HK1: variants seen among roughly 807,000 people sequenced by gnomAD.
The protein encoded by HK1 is hexokinase-1.
In HK1, 28 loss-of-function variants were observed where a neutral mutation model predicts 91.6. That is an observed-to-expected ratio of 0.31 (90% CI 0.23 to 0.42). HK1 has a LOEUF of 0.42. Ranked by LOEUF, HK1 falls within the 10% of genes least tolerant of loss-of-function variation. The pLI, the probability that HK1 is intolerant of heterozygous loss-of-function variation, is 1.00. For missense variants in HK1, 770 were observed against 1,219.8 expected (o/e 0.63, Z 5.49); for synonymous variants, 430 against 468.1 (o/e 0.92, Z 1.05).
At chr10:69,315,211 C>A (rs530403795), upstream of HK1, among the ~76,000 whole-genome samples, 4 of 152,324 alleles carry the variant, frequency 2.6e-5, no homozygotes, top group South Asian at 8.3e-4. Flanking sequence ...AAACTGTCAA[C>A]GTTATGTAAA....
chr10:69,320,182 T>C (rs2132570136), intron 1 of HK1, among the ~76,000 whole-genome samples: 1 of 152,206 alleles, frequency 6.6e-6, no homozygotes, highest in South Asian at 2.1e-4. Flanking sequence ...CCCAGTGAGT[T>C]AGAGGCAGAG....
chr10:69,310,608 A>G (rs1846326723), intron 5 of HK1, among the ~76,000 whole-genome samples: 1 of 152,174 alleles, frequency 6.6e-6, no homozygotes, highest in Admixed American at 6.6e-5. Context: ...GTCAGTCTGT[A>G]AAATATTTGA....
At chr10:69,397,643 T>C (rs1185050503) in intron 16 of HK1, among the ~76,000 whole-genome samples, 3 of 152,222 alleles carry the variant, frequency 2.0e-5, no homozygotes, top group African/African-American at 7.2e-5. Flanking sequence ...GGAATAATCA[T>C]ACATTCATTG....
intron 13 of HK1, among the ~76,000 whole-genome samples, chr10:69,387,525 A>G (rs1003645607): frequency 1.5e-5 from 2 of 135,914 alleles, no homozygotes; most frequent in African/African-American, 5.2e-5. Flanking sequence ...GGGCTCAAGC[A>G]ATCTGCTCGC....
chr10:69,284,876 A>G (rs562351425), intron 2 of HK1, among the ~76,000 whole-genome samples: 43 of 151,830 alleles, frequency 2.8e-4, no homozygotes, highest in Non-Finnish European at 3.8e-4. Flanking sequence ...GAGTGCAGTG[A>G]CATGATCTTG....
chr10:69,342,161 A>C (rs373345564), intron 1 of HK1, among the ~76,000 whole-genome samples: 8,016 of 123,518 alleles, frequency 0.065, 268 homozygotes, highest in African/African-American at 0.11. Context: ...AACCAACCCC[A>C]AAAACAAACA....
chr10:69,384,862 A>C lies in HK1; in HGVS notation c.1786A>C (p.Met596Leu), dbSNP rs370985073. The C allele has an allele frequency of 1.9e-6, 3 of 1,614,100 alleles. No individual in the cohort carries two copies. The highest frequency in any genetic ancestry group is 1.6e-4 in the Middle Eastern group (1 of 6,062). The change falls in exon 12 of 18, where the codon ATG becomes CTG. Residue 596 changes from methionine (M) to leucine (L), a missense_variant. Met to Leu is a conservative substitution (Grantham distance 15, BLOSUM62 2). This residue lies in a region of HK1 where 48 missense variants were observed against 128.2 expected (regional missense o/e 0.37). Coordinates refer to ENST00000359426, the MANE Select transcript of HK1 (RefSeq NM_000188.3). ...CTACATGGGGATCAAAGGCCCCAGGATGCCTCTGGGCTTCACGTTCTCATT... is the reference window on the plus strand; with the variant it reads ...CTACATGGGGATCAAAGGCCCCAGGCTGCCTCTGGGCTTCACGTTCTCATT... The part of the protein sequence containing the change: ...LDYMGIKGPR[M>L]PLGFTFSFPC...
chr10:69,362,188 C>T (rs1321406855), intron 3 of HK1, among the ~76,000 whole-genome samples: 1 of 152,076 alleles, frequency 6.6e-6, no homozygotes, highest in Non-Finnish European at 1.5e-5. Flanking sequence ...TTGTATTAGC[C>T]ATCATTTGCC....
rs1013608544 is a variant in HK1 at position 69,380,461 on chromosome 10, C to T, written c.1265+366C>T. Reference sequence around the variant, plus strand: ...GTCGTTACCTCGCCCTGTCAAAAGTCGAGATGGAGATTTCTGTAGCTGTCG... The same window carrying T: ...GTCGTTACCTCGCCCTGTCAAAAGTTGAGATGGAGATTTCTGTAGCTGTCG... On this transcript the variant is annotated intron_variant, in intron 9 of 17. Coordinates refer to ENST00000359426, the MANE Select transcript of HK1 (RefSeq NM_000188.3). The surrounding 1 kb of genome is among the most constrained non-coding windows in gnomAD (Gnocchi z 4.0). Among the ~76,000 whole-genome samples, 35 of 152,154 alleles carry T rather than the reference C, an allele frequency of 2.3e-4. No homozygotes were observed. The highest frequency in any genetic ancestry group is 2.0e-3 in the Admixed American group (30 of 15,272).
intron 14 of HK1, 39 bp downstream of exon 14, chr10:69,389,335 A>G (rs1202183227): frequency 1.3e-6 from 2 of 1,490,922 alleles, no homozygotes; most frequent in Admixed American, 3.8e-5. Flanking sequence ...GCAGAAGGGA[A>G]GGCTGGGGTT....
chr10:69,340,577 G>A (rs1383394755), intron 1 of HK1, among the ~76,000 whole-genome samples: 4 of 152,208 alleles, frequency 2.6e-5, no homozygotes, highest in Non-Finnish European at 5.9e-5. Context: ...AAATATTTTA[G>A]AGGTGCGATA....
chr10:69,325,790 G>A (rs1233621284), intron 1 of HK1, among the ~76,000 whole-genome samples: 1 of 150,968 alleles, frequency 6.6e-6, no homozygotes, highest in South Asian at 2.1e-4. Flanking sequence ...GCCCGCCTTG[G>A]CCTCCCGAAA....
At chr10:69,301,274 T>C (rs944967047) in intron 5 of HK1, among the ~76,000 whole-genome samples, 3 of 150,124 alleles carry the variant, frequency 2.0e-5, no homozygotes, top group African/African-American at 7.3e-5. Flanking sequence ...AAATTGTACT[T>C]CTTCTATAAA....
chr10:69,375,478 CCTCTGCCTGGCTGCA>C (rs1462655488), intron 7 of HK1, among the ~76,000 whole-genome samples: 12 of 152,130 alleles, frequency 7.9e-5, no homozygotes, highest in African/African-American at 2.7e-4. Context: ...TGCCAGGGAT[CCTCTGCCTGGCTGCA>C]GCCAGGCGGT....
At chr10:69,298,632 G>T (rs1001911640) in intron 4 of HK1, among the ~76,000 whole-genome samples, 1 of 92,176 alleles carries the variant, frequency 1.1e-5, no homozygotes, top group African/African-American at 3.8e-5. Context: ...TCTCTTAAAA[G>T]GAAAAAAAAA....
At chr10:69,382,419 G>A (rs759716050) in intron 9 of HK1, 68 bp from the exon 10 acceptor site, 125 of 1,470,992 alleles carry the variant, frequency 8.5e-5, no homozygotes, top group Non-Finnish European at 1.1e-4. Context: ...GAGAAAGAAA[G>A]GGTGGCCGGA....
At chr10:69,354,319 G>A (rs549495479) in intron 2 of HK1, among the ~76,000 whole-genome samples, 1 of 152,322 alleles carries the variant, frequency 6.6e-6, no homozygotes, top group African/African-American at 2.4e-5. Flanking sequence ...CTAAGACTGG[G>A]TAATTTATAA....
intron 13 of HK1, among the ~76,000 whole-genome samples, chr10:69,387,745 T>A (rs1427572738): frequency 1.5e-4 from 23 of 152,148 alleles, no homozygotes; most frequent in Admixed American, 1.5e-3. Flanking sequence ...AAAGCCCAAC[T>A]TTGTTAGATT....
At chr10:69,333,256 A>T (rs535380548) in intron 1 of HK1, among the ~76,000 whole-genome samples, 38 of 152,318 alleles carry the variant, frequency 2.5e-4, no homozygotes, top group African/African-American at 7.9e-4. Flanking sequence ...AAGCCACAGC[A>T]TTGGGATTTG....
Sources: gnomAD v4.1 joint callset for allele counts (sites outside exome capture counted in the v4.1 genomes callset) on GRCh38, gnomAD v4.1.1 for gene constraint, gnomAD v4.1.1 regional missense constraint, Gnocchi (gnomAD v3.1) non-coding constraint, MANE v1.5 for transcripts, NCBI Gene and HGNC (gene_info 2026-07-23, HGNC 2026-07-21) for gene names.